PTPN3: variants seen among roughly 807,000 people sequenced by gnomAD.
PTPN3 encodes protein tyrosine phosphatase non-receptor type 3.
A neutral mutation model predicts 132.7 loss-of-function variants in PTPN3; 96 were observed. That is an observed-to-expected ratio of 0.72 (90% confidence interval 0.61 to 0.86). The LOEUF is 0.86. Ranked by LOEUF, PTPN3 falls within the 40% of genes least tolerant of loss-of-function variation. The pLI is 0.00. For synonymous variants in PTPN3, 398 were observed against 429.0 expected (o/e 0.93, Z 0.89); for missense variants, 1,125 against 1,159.6 (o/e 0.97, Z 0.43).
intron 6 of PTPN3, 43 bp downstream of exon 6, chr9:109,448,768 T>C (rs773892878): frequency 4.6e-6 from 7 of 1,536,474 alleles, no homozygotes; most frequent in Non-Finnish European, 6.2e-6. Flanking sequence ...ACCAGGAATT[T>C]TGCTAGTCTA....
the PTPN3 span, chr9:109,532,847 G>T: frequency 1.9e-6 from 2 of 1,057,706 alleles, no homozygotes; most frequent in Admixed American, 3.6e-5. Context: ...GCCCCGCCCT[G>T]CTTAGCCTCG....
intron 7 of PTPN3, among the ~76,000 whole-genome samples, chr9:109,443,654 C>T (rs1203485786): frequency 1.3e-5 from 2 of 152,182 alleles, no homozygotes; most frequent in Non-Finnish European, 2.9e-5. Context: ...CTGGCAGACA[C>T]AGAGTTCACA....
At chr9:109,447,024 A>C (rs10979869) in intron 6 of PTPN3, among the ~76,000 whole-genome samples, 25,728 of 152,236 alleles carry the variant, frequency 0.17, 2,862 homozygotes, top group Middle Eastern at 0.27. Context: ...AGTTACAAAT[A>C]CACAAATCCA....
chr9:109,532,121 T>C, the PTPN3 span, among the ~76,000 whole-genome samples: 1 of 152,176 alleles, frequency 6.6e-6, no homozygotes, highest in African/African-American at 2.4e-5. Context: ...GGTGACCAAA[T>C]GTTCCGATCT....
At chr9:109,437,136 A>C (rs1035292071) in intron 8 of PTPN3, among the ~76,000 whole-genome samples, 166 bp from the exon 9 acceptor site, 6 of 150,000 alleles carry the variant, frequency 4.0e-5, no homozygotes, top group African/African-American at 1.5e-4. Context: ...GCAAGTTTTT[A>C]TTCTTATCCA....
intron 10 of PTPN3, among the ~76,000 whole-genome samples, chr9:109,430,560 G>A (rs574022384): frequency 6.6e-6 from 1 of 152,176 alleles, no homozygotes; most frequent in South Asian, 2.1e-4. Context: ...AAAATGCACT[G>A]AGAGCCTAGG....
chr9:109,479,213 G>A (rs1225401930), intron 1 of PTPN3, among the ~76,000 whole-genome samples: 2 of 151,942 alleles, frequency 1.3e-5, no homozygotes, highest in Admixed American at 6.6e-5. Context: ...CCAACTCCTG[G>A]CCACCTCTAA....
chr9:109,415,076 A>ATCC (rs1842381991), intron 14 of PTPN3, among the ~76,000 whole-genome samples: 2 of 58,582 alleles, frequency 3.4e-5, no homozygotes, highest in Non-Finnish European at 7.3e-5. Context: ...CCGTCCATCC[A>ATCC]ACCATCCATC....
chr9:109,412,216 T>A (rs1250016684), intron 14 of PTPN3, among the ~76,000 whole-genome samples: 3 of 152,060 alleles, frequency 2.0e-5, no homozygotes, highest in African/African-American at 7.2e-5. Context: ...CAATCCATTT[T>A]TTTTTCTTTT....
intron 14 of PTPN3, among the ~76,000 whole-genome samples, chr9:109,415,751 AAGG>A (rs951551176): frequency 5.5e-4 from 84 of 152,288 alleles, no homozygotes; most frequent in African/African-American, 1.9e-3. Flanking sequence ...AGTGAAAGAA[AAGG>A]AGGAGTGAGG....
intron 1 of PTPN3, among the ~76,000 whole-genome samples, chr9:109,476,241 G>A (rs1846659973): frequency 6.6e-6 from 1 of 151,850 alleles, no homozygotes; most frequent in South Asian, 2.1e-4. Flanking sequence ...GATAAAATGG[G>A]GTCAGCAAAT....
At chr9:109,424,120 G>A (rs921224501) in intron 12 of PTPN3, among the ~76,000 whole-genome samples, 2 of 152,114 alleles carry the variant, frequency 1.3e-5, no homozygotes, top group African/African-American at 4.8e-5. Flanking sequence ...AAGGTTTAAT[G>A]TGTCATGGGT....
intron 1 of PTPN3, among the ~76,000 whole-genome samples, chr9:109,494,540 G>A (rs1407300040): frequency 6.6e-6 from 1 of 152,124 alleles, no homozygotes; most frequent in African/African-American, 2.4e-5. Flanking sequence ...TGCCCTAAAT[G>A]CCATCTTGTT....
intron 1 of PTPN3, among the ~76,000 whole-genome samples, chr9:109,473,043 G>A (rs566789315): frequency 6.8e-4 from 104 of 152,322 alleles, no homozygotes; most frequent in African/African-American, 2.2e-3. Flanking sequence ...GGGTATTTAT[G>A]AATGTGTTAA....
chr9:109,437,962 G>A, intron 8 of PTPN3, 152 bp downstream of exon 8: 1 of 885,102 alleles, frequency 1.1e-6, no homozygotes. Flanking sequence ...AAATATATCT[G>A]CCACCATACC....
chr9:109,466,989 AGATAAG>A (rs1846129969), intron 1 of PTPN3, among the ~76,000 whole-genome samples: 4 of 152,188 alleles, frequency 2.6e-5, no homozygotes, highest in Admixed American at 2.6e-4. Context: ...CTTCTTCCTT[AGATAAG>A]GATAGAGAGT....
At chr9:109,478,296 A>G (rs933621775) in intron 1 of PTPN3, among the ~76,000 whole-genome samples, 6 of 152,144 alleles carry the variant, frequency 3.9e-5, no homozygotes, top group African/African-American at 1.4e-4. Flanking sequence ...TGTAATGTCT[A>G]TGCAATCATA....
chr9:109,390,565 C>G (rs189251495), intron 21 of PTPN3, among the ~76,000 whole-genome samples: 1 of 152,018 alleles, frequency 6.6e-6, no homozygotes, highest in Admixed American at 6.6e-5. Flanking sequence ...CTAACCTGCA[C>G]ATTGTGCACA....
chr9:109,477,963 T>C (rs963358837), intron 1 of PTPN3, among the ~76,000 whole-genome samples: 1 of 152,138 alleles, frequency 6.6e-6, no homozygotes, highest in Non-Finnish European at 1.5e-5. Context: ...ATGAGGACAG[T>C]CATGGGGCAG....
Sources: allele counts gnomAD v4.1 joint callset (sites outside exome capture counted in the v4.1 genomes callset), GRCh38; gene constraint gnomAD v4.1.1; transcripts MANE v1.5; gene names NCBI Gene and HGNC (gene_info 2026-07-23, HGNC 2026-07-21).